The following NKAIN3 variants were observed in gnomAD, a reference collection of about 807,000 sequenced individuals.
NKAIN3 encodes the protein sodium/potassium transporting ATPase interacting 3.
Under a neutral mutation model 30.2 loss-of-function variants are expected in NKAIN3, and 25 were observed. The ratio of observed to expected loss-of-function variants is 0.83; its 90% CI spans 0.60 to 1.16. The LOEUF is 1.16. Ranked by LOEUF, NKAIN3 falls within the 50% of genes most tolerant of loss-of-function variation. The pLI, the probability that NKAIN3 is intolerant of heterozygous loss-of-function variation, is 0.00. For missense variants in NKAIN3, 225 were observed against 254.1 expected (o/e 0.89, Z 0.78); for synonymous variants, 91 against 89.6 (o/e 1.02, Z -0.09).
chr8:62,667,560 C>G (rs1273104035), intron 3 of NKAIN3, among the ~76,000 whole-genome samples: 10 of 151,574 alleles, frequency 6.6e-5, no homozygotes, highest in African/African-American at 2.2e-4. Flanking sequence ...ACAACTCTAC[C>G]TTCCAAATGT....
In NKAIN3 at chr8:62,974,661, C is replaced by T. The variant is rs1486822542; in HGVS notation, c.*9254C>T. ...ATTCGAATACGCTTTATTTCATTCTCTTGCCTGTTTGCCCTGGCCAGAACT... is the reference window on the plus strand; with the variant it reads ...ATTCGAATACGCTTTATTTCATTCTTTTGCCTGTTTGCCCTGGCCAGAACT... On this transcript the variant is annotated 3_prime_UTR_variant, in exon 7 of 7. Coordinates refer to ENST00000623646, the MANE Select transcript of NKAIN3 (RefSeq NM_001304533.3). Among the ~76,000 whole-genome samples, 1 of 152,172 alleles carries T rather than the reference C, an allele frequency of 6.6e-6. No individual in the cohort carries two copies. The highest frequency in any genetic ancestry group is 2.4e-5 in the African/African-American group (1 of 41,434).
rs1199837901 is a variant in NKAIN3 at position 62,323,218 on chromosome 8, A to T, written c.54+74091A>T. ...ACATGAAAACTTATAGTCACACAAT[A>T]ACCTACACCCAAATGTCTACAACAG... On this transcript the variant is annotated intron_variant, in intron 1 of 6. Transcript: ENST00000623646. 2.0e-5 allele frequency among the ~76,000 whole-genome samples: 3 copies of T among 152,222 alleles called. No individual in the cohort carries two copies. In the East Asian group the frequency reaches 5.8e-4, roughly 29 times the overall value.
At position 62,274,563 on chromosome 8, in the gene NKAIN3, G is replaced by T. The variant is rs1289518305; in HGVS notation, c.54+25436G>T. On this transcript the variant is annotated intron_variant, in intron 1 of 6. Transcript: ENST00000623646. The stretch of plus-strand genomic sequence containing the variant: ...TAATAAATTTCTAATACATTTTCTT[G>T]CTCCAGACTGCCTGGAAATTCATTT... Among the ~76,000 whole-genome samples the T allele has an allele frequency of 2.6e-5, 4 of 151,686 alleles. No homozygotes were observed. In the East Asian group the frequency reaches 7.7e-4, roughly 29 times the overall value.
intron 1 of NKAIN3, among the ~76,000 whole-genome samples, chr8:62,443,953 A>G (rs1805407805): frequency 6.6e-6 from 1 of 152,136 alleles, no homozygotes; most frequent in Non-Finnish European, 1.5e-5. Flanking sequence ...AACAGGCATT[A>G]CTGTTAGCGT....
chr8:62,768,914 A>G (rs1246111134), intron 4 of NKAIN3, among the ~76,000 whole-genome samples: 1 of 152,214 alleles, frequency 6.6e-6, no homozygotes, highest in Non-Finnish European at 1.5e-5. Flanking sequence ...TTTCAAGAAA[A>G]AAAGTTATGG....
intron 5 of NKAIN3, among the ~76,000 whole-genome samples, chr8:62,935,286 T>C (rs1822750386): frequency 1.3e-5 from 2 of 152,162 alleles, no homozygotes; most frequent in Non-Finnish European, 2.9e-5. Context: ...AGACAGAGCC[T>C]TTGAAATTTT....
At chr8:62,577,605 T>C (rs1810157683) in intron 1 of NKAIN3, among the ~76,000 whole-genome samples, 1 of 150,292 alleles carries the variant, frequency 6.7e-6, no homozygotes, top group African/African-American at 2.4e-5. Flanking sequence ...GTATCACTGA[T>C]GGCCCTATAA....
At chr8:62,996,824 C>A (rs1360846032) in intron 5 of NKAIN3, among the ~76,000 whole-genome samples, 2 of 152,354 alleles carry the variant, frequency 1.3e-5, no homozygotes, top group East Asian at 3.9e-4. Context: ...CCATGTCTCA[C>A]ACCCACGGTA....
chr8:62,779,340 A>G (rs1346712777), intron 4 of NKAIN3, among the ~76,000 whole-genome samples: 1 of 152,126 alleles, frequency 6.6e-6, no homozygotes. Context: ...AGGACCCTAG[A>G]GCACTCACCC....
intron 1 of NKAIN3, among the ~76,000 whole-genome samples, chr8:62,522,131 A>G (rs1585902228): frequency 6.6e-6 from 1 of 152,216 alleles, no homozygotes; most frequent in East Asian, 1.9e-4. Flanking sequence ...CACATATAAA[A>G]CATGTATTAA....
intron 1 of NKAIN3, among the ~76,000 whole-genome samples, chr8:62,510,509 G>A (rs1052096207): frequency 5.3e-5 from 8 of 152,070 alleles, no homozygotes; most frequent in African/African-American, 1.9e-4. Flanking sequence ...GTCAATCGCT[G>A]GGAAGGTGAT....
chr8:62,479,068 G>A (rs780537218), intron 1 of NKAIN3, among the ~76,000 whole-genome samples: 19 of 152,030 alleles, frequency 1.2e-4, no homozygotes, highest in Non-Finnish European at 2.2e-4. Context: ...GTCTAGTGTC[G>A]CCTGCAGGTG....
chr8:62,553,415 G>A (rs1238079244), intron 1 of NKAIN3, among the ~76,000 whole-genome samples: 8 of 152,024 alleles, frequency 5.3e-5, no homozygotes, highest in Admixed American at 5.2e-4. Flanking sequence ...TATATGCTAT[G>A]CTATAAAAAT....
At chr8:62,882,236 C>G (rs968453792) in intron 4 of NKAIN3, among the ~76,000 whole-genome samples, 1 of 152,092 alleles carries the variant, frequency 6.6e-6, no homozygotes, top group African/African-American at 2.4e-5. Context: ...CAGAGCAGAA[C>G]TTTTTAATTT....
intron 3 of NKAIN3, among the ~76,000 whole-genome samples, chr8:62,596,099 C>G (rs558956648): frequency 4.2e-4 from 64 of 152,162 alleles, no homozygotes; most frequent in Middle Eastern, 6.8e-3. Context: ...TGGGTACTAT[C>G]AATGCCTAAG....
intron 3 of NKAIN3, among the ~76,000 whole-genome samples, chr8:62,602,499 T>C (rs1811009752): frequency 6.6e-6 from 1 of 152,130 alleles, no homozygotes; most frequent in Non-Finnish European, 1.5e-5. Context: ...CCCAATCTTC[T>C]GCCCCAAACC....
chr8:62,921,259 T>C (rs973567171), intron 5 of NKAIN3, among the ~76,000 whole-genome samples: 3 of 152,218 alleles, frequency 2.0e-5, no homozygotes, highest in African/African-American at 7.2e-5. Context: ...GCAAATATAA[T>C]ATAATGTCAG....
intron 3 of NKAIN3, among the ~76,000 whole-genome samples, chr8:62,698,641 C>G (rs1210294382): frequency 1.3e-5 from 2 of 152,174 alleles, no homozygotes; most frequent in African/African-American, 4.8e-5. Context: ...TGTAGGACCT[C>G]ATTCTTTTCC....
intron 4 of NKAIN3, among the ~76,000 whole-genome samples, chr8:62,810,759 C>T (rs1818461729): frequency 6.6e-6 from 1 of 150,664 alleles, no homozygotes. Context: ...ATTTGCCACT[C>T]ACTTGAAAAA....
Sources: gnomAD v4.1 joint callset for allele counts (sites outside exome capture counted in the v4.1 genomes callset) on GRCh38, gnomAD v4.1.1 for gene constraint, MANE v1.5 for transcripts, NCBI Gene and HGNC (gene_info 2026-07-23, HGNC 2026-07-21) for gene names.